The following EPHB3 variants were observed in gnomAD, a reference collection of about 807,000 sequenced individuals.
The protein encoded by EPHB3 is EPH receptor B3, also known as ephrin type-B receptor 3.
A neutral mutation model predicts 100.2 loss-of-function variants in EPHB3; 33 were observed. The observed-to-expected ratio is 0.33, with a 90% CI of 0.25 to 0.44. The LOEUF is 0.44. Among genes scored for constraint, EPHB3 ranks in the 20% least tolerant of loss-of-function variants. EPHB3 has a pLI of 1.00. For missense variants in EPHB3, 1,045 were observed against 1,378.3 expected, an observed-to-expected ratio of 0.76 and a Z score of 3.83; for synonymous variants, 526 against 554.7, an observed-to-expected ratio of 0.95 and a Z score of 0.73.
chr3:184,577,267 G>A lies in EPHB3; in HGVS notation c.1355-76G>A. 6.3e-7 allele frequency: 1 copy of A among 1,586,348 alleles called. No homozygotes were observed. The highest frequency in any genetic ancestry group is 8.6e-7 in the Non-Finnish European group (1 of 1,165,198). ...CAGGACCTGCTAAGGGACCACTGGG[G>A]GTCCCATGGGAAGTGGGTCTTTGGG... On this transcript the variant is annotated intron_variant, in intron 5 of 15. Transcript: ENST00000330394. The surrounding 1 kb of genome is among the most constrained non-coding windows in gnomAD (Gnocchi z 4.9).
At position 184,577,026 on chromosome 3, in the gene EPHB3, G is replaced by C; in HGVS notation, c.1197G>C (p.Val399=). 1 of 1,613,996 alleles carries C rather than the reference G, an allele frequency of 6.2e-7. No individual in the cohort carries two copies. The highest frequency in any genetic ancestry group is 8.5e-7 in the Non-Finnish European group (1 of 1,180,018). The change falls in exon 5 of 16, where the codon GTG becomes GTC. Residue 399 remains valine, a synonymous_variant. Transcript: ENST00000330394. This position sits in a 1 kb window ranked among gnomAD's most constrained non-coding sequence, Gnocchi z 4.9. ...CSRCDDNVEF[V]PRQLGLTERR... Reference sequence around the variant, plus strand: ...GCTGTGATGACAACGTGGAGTTTGTGCCTCGGCAGCTGGGCCTGACGGAGC... The same window carrying C: ...GCTGTGATGACAACGTGGAGTTTGTCCCTCGGCAGCTGGGCCTGACGGAGC...
Position 184,565,353 on chromosome 3 carries a change from G to C in EPHB3, c.118+3000G>C, listed in dbSNP as rs1230722809. On this transcript the variant is annotated intron_variant, in intron 1 of 15. Coordinates refer to ENST00000330394, the MANE Select transcript of EPHB3 (RefSeq NM_004443.4). The surrounding 1 kb of genome is among the most constrained non-coding windows in gnomAD (Gnocchi z 4.8). ...CCCCTCAGGACCATCAACGGGTCAG[G>C]GGGTGGGGTCCAATGGGGAACAGAC... is the stretch of plus-strand genomic sequence containing the variant. 6.6e-6 allele frequency among the ~76,000 whole-genome samples: 1 copy of C among 152,192 alleles called. No individual in the cohort carries two copies. The highest frequency in any genetic ancestry group is 1.5e-5 in the Non-Finnish European group (1 of 68,038).
At position 184,572,895 on chromosome 3, in the gene EPHB3, C is replaced by G; in HGVS notation, c.575C>G (p.Ala192Gly). 6.4e-7 allele frequency: 1 copy of G among 1,560,696 alleles called. No individual in the cohort carries two copies. Among genetic ancestry groups the G allele is most frequent in the South Asian group, 1.2e-5 (1 of 82,106 alleles). ...CTTTCCAAGGCTGGCTTCTACCTGGCCTTCCAGGACCAGGGCGCCTGCATG... is the reference window on the plus strand; with the variant it reads ...CTTTCCAAGGCTGGCTTCTACCTGGGCTTCCAGGACCAGGGCGCCTGCATG... ...GPLSKAGFYL[A>G]FQDQGACMSL... The change falls in exon 3 of 16, where the codon GCC becomes GGC. Residue 192 changes from alanine (A) to glycine (G), a missense_variant. Coordinates refer to ENST00000330394, the MANE Select transcript of EPHB3 (RefSeq NM_004443.4). The surrounding 1 kb of genome is among the most constrained non-coding windows in gnomAD (Gnocchi z 6.6).
At position 184,579,624 on chromosome 3, in the gene EPHB3, G is replaced by A. The variant is rs747540283; in HGVS notation, c.1924+25G>A. 1 of 1,613,256 alleles carries A rather than the reference G, an allele frequency of 6.2e-7. No individual in the cohort carries two copies. Among genetic ancestry groups the A allele is most frequent in the Non-Finnish European group, 8.5e-7 (1 of 1,179,320 alleles). On this transcript the variant is annotated intron_variant, in intron 10 of 15. Coordinates refer to ENST00000330394, the MANE Select transcript of EPHB3 (RefSeq NM_004443.4). The surrounding 1 kb of genome is among the most constrained non-coding windows in gnomAD (Gnocchi z 5.2). ...GGTGAGTCTCCCGGGGCACAGTAGA[G>A]ATGAGAAGCTGAGGCGGGCTGGGTA...
In EPHB3 at chr3:184,575,900, T is replaced by A. The variant is rs761875409; in HGVS notation, c.927T>A (p.Arg309=). ...GCCTCCCATGTCCCCCCAACAGCCG[T>A]ACCACCTCCCCAGCCGCCAGCATCT... ...GPCLPCPPNS[R]TTSPAASICT... Residue 309 remains arginine, a synonymous_variant, in exon 4 of 16, where the codon CGT becomes CGA. Coordinates refer to ENST00000330394, the MANE Select transcript of EPHB3 (RefSeq NM_004443.4). 1 of 1,613,688 alleles carries A rather than the reference T, an allele frequency of 6.2e-7. No individual in the cohort carries two copies. Among genetic ancestry groups the A allele is most frequent in the Non-Finnish European group, 8.5e-7 (1 of 1,179,878 alleles).
chr3:184,581,369 G>C lies in EPHB3; in HGVS notation c.2849G>C (p.Gly950Ala). ...TACAAGGAGAGCTTCGTCAGTGCGG[G>C]GTTTGCATCTTTTGACCTGGTGGCC... ...GRYKESFVSA[G>A]FASFDLVAQM... The change falls in exon 15 of 16, where the codon GGG (glycine) becomes GCG (alanine). Residue 950 changes from glycine (G) to alanine (A), a missense_variant. Gly to Ala is a moderately conservative substitution (Grantham distance 60). Transcript: ENST00000330394. 6.2e-7 allele frequency: 1 copy of C among 1,603,064 alleles called. No individual in the cohort carries two copies. The highest frequency in any genetic ancestry group is 8.5e-7 in the Non-Finnish European group (1 of 1,174,502).
chr3:184,571,486 C>A lies in EPHB3; in HGVS notation c.183+104C>A. 8.9e-7 allele frequency: 1 copy of A among 1,128,616 alleles called. No individual in the cohort carries two copies. Among genetic ancestry groups the A allele is most frequent in the Non-Finnish European group, 1.3e-6 (1 of 758,860 alleles). The allele number at this position is 1,128,616 out of a possible 1,614,324, so 69.9% of individuals were successfully genotyped here. On this transcript the variant is annotated intron_variant, in intron 2 of 15. Transcript: ENST00000330394. The surrounding 1 kb of genome is among the most constrained non-coding windows in gnomAD (Gnocchi z 5.0). ...CTCACCAGGGCCTGGAGGAGGGCTG[C>A]CTCTGCCCTCTGCCTGTCACCCTCA...
intron 1 of EPHB3, among the ~76,000 whole-genome samples, chr3:184,567,868 G>A (rs934114174): frequency 3.3e-5 from 5 of 152,138 alleles, no homozygotes; most frequent in Admixed American, 1.3e-4. Flanking sequence ...GCGTGGGTCC[G>A]CCTAAGGCAA....
chr3:184,581,486 A>T (rs1577533371), intron 15 of EPHB3, 28 bp from the exon 16 acceptor site: 33 of 1,606,220 alleles, frequency 2.1e-5, no homozygotes, highest in Non-Finnish European at 2.7e-5. Context: ...GAGGAAAGGG[A>T]CTGATCCTAA....
rs367551424 is a variant in EPHB3, at chr3:184,577,367, G to A, written c.1379G>A (p.Arg460His). Residue 460 changes from arginine (R) to histidine (H), a missense_variant, in exon 6 of 16, where the codon CGC becomes CAC. This residue lies in a region of EPHB3 where 985 missense variants were observed against 1,331.1 expected (regional missense o/e 0.74). Coordinates refer to ENST00000330394, the MANE Select transcript of EPHB3 (RefSeq NM_004443.4). This position sits in a 1 kb window ranked among gnomAD's most constrained non-coding sequence, Gnocchi z 4.9. ...GCCCCGTCTGAAGTGCCCACACTAC[G>A]CCTGCACAGCAGCTCAGGCAGCAGC... ...QAAPSEVPTL[R>H]LHSSSGSSLT... is the part of the protein sequence containing the mutation. 3.6e-5 allele frequency: 58 copies of A among 1,613,602 alleles called. No homozygotes were observed. The highest frequency in any genetic ancestry group is 4.8e-5 in the Non-Finnish European group (57 of 1,180,014).
intron 1 of EPHB3, among the ~76,000 whole-genome samples, chr3:184,566,552 C>CTGTG (rs998952886): frequency 4.6e-5 from 7 of 152,180 alleles, no homozygotes; most frequent in African/African-American, 1.7e-4. Context: ...GCTGACCTCC[C>CTGTG]TGTGTGTACA....
rs1175361379 is a variant in EPHB3, at chr3:184,572,905, C to T, written c.585C>T (p.Asp195=). The change falls in exon 3 of 16, where the codon GAC becomes GAT. Residue 195 remains aspartate (D), a synonymous_variant. Transcript: ENST00000330394. The surrounding 1 kb of genome is among the most constrained non-coding windows in gnomAD (Gnocchi z 6.6). The part of the protein sequence containing the change: ...SKAGFYLAFQ[D]QGACMSLISV... Reference sequence around the variant, plus strand: ...CTGGCTTCTACCTGGCCTTCCAGGACCAGGGCGCCTGCATGTCGCTCATCT... The same window carrying T: ...CTGGCTTCTACCTGGCCTTCCAGGATCAGGGCGCCTGCATGTCGCTCATCT... 1 of 1,563,558 alleles carries T rather than the reference C, an allele frequency of 6.4e-7. No homozygotes were observed. The highest frequency in any genetic ancestry group is 1.2e-5 in the South Asian group (1 of 82,592).
At chr3:184,570,533 G>T (rs1223018909) in intron 1 of EPHB3, among the ~76,000 whole-genome samples, 1 of 152,218 alleles carries the variant, frequency 6.6e-6, no homozygotes, top group Admixed American at 6.5e-5. Flanking sequence ...CCCTCAAAGC[G>T]CATCCCTGCC....
chr3:184,571,370 T>C lies in EPHB3; in HGVS notation c.171T>C (p.His57=). 1.2e-6 allele frequency: 2 copies of C among 1,614,008 alleles called. No homozygotes were observed. Among genetic ancestry groups the C allele is most frequent in the African/African-American group, 1.3e-5 (1 of 75,042 alleles). Residue 57 remains histidine, a synonymous_variant, in exon 2 of 16, where the codon CAT becomes CAC. Transcript: ENST00000330394. The surrounding 1 kb of genome is among the most constrained non-coding windows in gnomAD (Gnocchi z 5.0). ...CATCTGAGTTGGCGTGGACATCTCA[T>C]CCAGAAAGTGGGGTGAGGCTTTCCC... is the stretch of plus-strand genomic sequence containing the variant. ...WVTSELAWTS[H]PESGWEEVSG...
chr3:184,569,955 T>C lies in EPHB3; in HGVS notation c.119-1363T>C, dbSNP rs1343781049. On this transcript the variant is annotated intron_variant, in intron 1 of 15. Transcript: ENST00000330394. This position sits in a 1 kb window ranked among gnomAD's most constrained non-coding sequence, Gnocchi z 5.4. ...AGGAGTTGGCACCTCTTTCCTTCCT[T>C]TCCTGACCCAGGTCTAATCTGGGGG... is the stretch of plus-strand genomic sequence containing the variant. 6.6e-6 allele frequency among the ~76,000 whole-genome samples: 1 copy of C among 152,232 alleles called. No individual in the cohort carries two copies. Among genetic ancestry groups the C allele is most frequent in the Non-Finnish European group, 1.5e-5 (1 of 68,034 alleles).
rs540236705 is a variant in EPHB3, at chr3:184,562,948, G to T, written c.118+595G>T. The stretch of plus-strand genomic sequence containing the variant: ...GCGGGCCCCCGCACCCTTTGTGGAG[G>T]CTCCCTCTCCGCCTGCTAGAGCAGG... On this transcript the variant is annotated intron_variant, in intron 1 of 15. Coordinates refer to ENST00000330394, the MANE Select transcript of EPHB3 (RefSeq NM_004443.4). This position sits in a 1 kb window ranked among gnomAD's most constrained non-coding sequence, Gnocchi z 4.8. 1.3e-5 allele frequency among the ~76,000 whole-genome samples: 2 copies of T among 152,238 alleles called. No homozygotes were observed. Among genetic ancestry groups the T allele is most frequent in the Non-Finnish European group, 2.9e-5 (2 of 68,040 alleles).
rs1044148218 is a variant in EPHB3, at chr3:184,577,196, C to A, written c.1354+13C>A. 6.9e-6 allele frequency: 11 copies of A among 1,584,960 alleles called. No individual in the cohort carries two copies. Among genetic ancestry groups the A allele is most frequent in the Non-Finnish European group, 9.5e-6 (11 of 1,162,368 alleles). On this transcript the variant is annotated intron_variant, in intron 5 of 15. Transcript: ENST00000330394. The surrounding 1 kb of genome is among the most constrained non-coding windows in gnomAD (Gnocchi z 4.9). ...ACAAACCAGGCTGGTGAGGAGGGGA[C>A]ACTGGAGGGTAGGGCCTGGGTCACT...
Position 184,581,584 on chromosome 3 carries a change from C to T in EPHB3, c.2959C>T (p.Arg987Trp), listed in dbSNP as rs539714486. ...GATCCTGAGCAGTATCCAGGACATGCGGCTGCAGATGAACCAGACGCTGCC... is the reference window on the plus strand; with the variant it reads ...GATCCTGAGCAGTATCCAGGACATGTGGCTGCAGATGAACCAGACGCTGCC... ...KKILSSIQDM[R>W]LQMNQTLPVQ... Residue 987 changes from arginine to tryptophan, a missense_variant, in exon 16 of 16, where the codon CGG becomes TGG. This residue lies in a region of EPHB3 where 985 missense variants were observed against 1,331.1 expected (regional missense o/e 0.74). Transcript: ENST00000330394. The T allele has an allele frequency of 2.7e-5, 44 of 1,613,140 alleles. No individual in the cohort carries two copies. Among genetic ancestry groups the T allele is most frequent in the Non-Finnish European group, 3.4e-5 (40 of 1,179,734 alleles).
At position 184,578,152 on chromosome 3, in the gene EPHB3, C is replaced by T. The variant is rs934355224; in HGVS notation, c.1748+146C>T. On this transcript the variant is annotated intron_variant, in intron 8 of 15. Coordinates refer to ENST00000330394, the MANE Select transcript of EPHB3 (RefSeq NM_004443.4). The surrounding 1 kb of genome is among the most constrained non-coding windows in gnomAD (Gnocchi z 4.7). The stretch of plus-strand genomic sequence containing the variant: ...CTGGGGCCAGCCGTTGCTGGAGAAG[C>T]CCTCTCCCATCCCTGCCTGTGTCTT... 6 of 938,198 alleles carry T rather than the reference C, an allele frequency of 6.4e-6. No homozygotes were observed. In the Admixed American group the frequency reaches 1.7e-4, roughly 26 times the overall value. 58.1% of individuals were successfully genotyped at this position (938,198 alleles called of 1,614,324 possible). A position where few individuals can be genotyped will look rare whatever the true frequency, so the allele number is the denominator to read the frequency against.
Sources: gnomAD v4.1 joint callset for allele counts (sites outside exome capture counted in the v4.1 genomes callset) on GRCh38, gnomAD v4.1.1 for gene constraint, gnomAD v4.1.1 regional missense constraint, Gnocchi (gnomAD v3.1) non-coding constraint, MANE v1.5 for transcripts, NCBI Gene and HGNC (gene_info 2026-07-23, HGNC 2026-07-21) for gene names.